Variants in GRID1 observed in about 807,000 individuals in gnomAD.
GRID1 encodes the protein glutamate ionotropic receptor delta type subunit 1.
GRID1 carries 28 observed loss-of-function variants against 98.0 expected under a neutral mutation model. The ratio of observed to expected loss-of-function variants is 0.29; its 90% CI spans 0.21 to 0.39. The LOEUF is 0.39. Ranked by LOEUF, GRID1 falls within the 10% of genes least tolerant of loss-of-function variation. The pLI is 1.00. For missense variants in GRID1, 1,111 were observed against 1,340.5 expected (o/e 0.83, Z 2.67); for synonymous variants, 553 against 538.5 (o/e 1.03, Z -0.37).
At chr10:86,126,090 C>A (rs1844748363) in intron 4 of GRID1, among the ~76,000 whole-genome samples, 1 of 151,876 alleles carries the variant, frequency 6.6e-6, no homozygotes, top group Non-Finnish European at 1.5e-5. Context: ...GCAGGTCACA[C>A]CCACCAACAA....
chr10:86,176,402 TGAAA>T (rs1257873506), intron 3 of GRID1, among the ~76,000 whole-genome samples: 1 of 151,900 alleles, frequency 6.6e-6, no homozygotes, highest in Non-Finnish European at 1.5e-5. Context: ...TGGCACGAGG[TGAAA>T]GAAAGGCATT....
At chr10:86,298,071 G>A (rs558979386) in intron 2 of GRID1, among the ~76,000 whole-genome samples, 213 of 152,250 alleles carry the variant, frequency 1.4e-3, no homozygotes, top group Non-Finnish European at 2.0e-3. Flanking sequence ...AAAATAATTC[G>A]TTAGAAAGAA....
intron 15 of GRID1, among the ~76,000 whole-genome samples, chr10:85,610,657 C>T (rs927301960): frequency 6.6e-6 from 1 of 152,216 alleles, no homozygotes; most frequent in Non-Finnish European, 1.5e-5. Context: ...TGCAGTACAG[C>T]CTGCTCAATG....
chr10:86,184,334 G>T lies in GRID1; in HGVS notation c.520+22030C>A, dbSNP rs555968557. Among the ~76,000 whole-genome samples, 118 of 152,132 alleles carry T rather than the reference G, an allele frequency of 7.8e-4. 1 individual carries two copies. The highest frequency in any genetic ancestry group is 6.8e-3 in the Middle Eastern group (2 of 294). ...CTAAGAAATCTTTGCCTAACCTAGG[G>T]TCACAATGATTTTCCACTGTGTTTT... is the stretch of plus-strand genomic sequence containing the variant. On this transcript the variant is annotated intron_variant, in intron 3 of 15. Transcript: ENST00000327946.
intron 4 of GRID1, among the ~76,000 whole-genome samples, chr10:85,927,373 T>C (rs902975652): frequency 1.3e-5 from 2 of 152,198 alleles, no homozygotes; most frequent in African/African-American, 4.8e-5. Flanking sequence ...GCATGAGTTA[T>C]TACCTGAAAC....
At chr10:86,264,501 C>T (rs1295079208) in intron 2 of GRID1, among the ~76,000 whole-genome samples, 4 of 152,212 alleles carry the variant, frequency 2.6e-5, no homozygotes, top group African/African-American at 9.6e-5. Context: ...CCAGCCTGAG[C>T]TCACCACACT....
At chr10:86,295,754 C>T (rs1847579922) in intron 2 of GRID1, among the ~76,000 whole-genome samples, 2 of 152,260 alleles carry the variant, frequency 1.3e-5, no homozygotes, top group East Asian at 1.9e-4. Context: ...CATCCATATC[C>T]CCAGCATCTA....
intron 4 of GRID1, among the ~76,000 whole-genome samples, chr10:86,050,643 A>C (rs528297161): frequency 2.0e-5 from 3 of 152,236 alleles, no homozygotes; most frequent in Non-Finnish European, 4.4e-5. Context: ...TTGACTGCAT[A>C]AATCTATATG....
At chr10:85,817,941 T>G (rs1191274066) in intron 8 of GRID1, among the ~76,000 whole-genome samples, 1 of 152,090 alleles carries the variant, frequency 6.6e-6, no homozygotes, top group Non-Finnish European at 1.5e-5. Context: ...ATAACCTCAC[T>G]GAAGGCAGTG....
chr10:85,980,185 G>A (rs976384543), intron 4 of GRID1, among the ~76,000 whole-genome samples: 1 of 152,310 alleles, frequency 6.6e-6, no homozygotes, highest in South Asian at 2.1e-4. Context: ...GACCCCAGCT[G>A]GATGGGCTTC....
chr10:86,066,418 A>C (rs1843721155), intron 4 of GRID1, among the ~76,000 whole-genome samples: 1 of 152,190 alleles, frequency 6.6e-6, no homozygotes, highest in Non-Finnish European at 1.5e-5. Flanking sequence ...CAGGGGTATT[A>C]CAATTTTTAG....
At chr10:85,845,596 C>G (rs572458681) in intron 8 of GRID1, among the ~76,000 whole-genome samples, 5 of 152,254 alleles carry the variant, frequency 3.3e-5, no homozygotes, top group Admixed American at 3.3e-4. Flanking sequence ...ATCACCAAGT[C>G]TGTCTTGAAA....
At chr10:85,662,939 TC>T (rs1840982369) in intron 12 of GRID1, among the ~76,000 whole-genome samples, 1 of 152,114 alleles carries the variant, frequency 6.6e-6, no homozygotes, top group Non-Finnish European at 1.5e-5. Flanking sequence ...TTATGTTCTG[TC>T]CTGTGCAAGA....
chr10:85,831,345 C>T (rs1032524869), intron 8 of GRID1, among the ~76,000 whole-genome samples: 1 of 152,022 alleles, frequency 6.6e-6, no homozygotes. Flanking sequence ...ATGCTAATTA[C>T]CTGGGTGATG....
Position 85,699,105 on chromosome 10 carries a change from T to C in GRID1, c.1997+23898A>G, listed in dbSNP as rs1314055099. Among the ~76,000 whole-genome samples the C allele has an allele frequency of 2.6e-5, 4 of 152,090 alleles. No homozygotes were observed. The South Asian group carries it at 8.3e-4, about 32-fold the overall frequency. On this transcript the variant is annotated intron_variant, in intron 12 of 15. Coordinates refer to ENST00000327946, the MANE Select transcript of GRID1 (RefSeq NM_017551.3). ...TCTCACTCTGTGGCCCAGGCTGGAGTGCAGTGCTGTGATCTCAGCTCACTG... is the reference window on the plus strand; with the variant it reads ...TCTCACTCTGTGGCCCAGGCTGGAGCGCAGTGCTGTGATCTCAGCTCACTG...
At chr10:85,883,698 G>C (rs926942943) in intron 5 of GRID1, among the ~76,000 whole-genome samples, 4 of 152,146 alleles carry the variant, frequency 2.6e-5, no homozygotes, top group African/African-American at 9.7e-5. Context: ...CTAACTAGGA[G>C]CACTAGTTAT....
chr10:86,213,839 C>T (rs745668274), intron 2 of GRID1, among the ~76,000 whole-genome samples: 14 of 152,054 alleles, frequency 9.2e-5, no homozygotes, highest in Non-Finnish European at 1.8e-4. Flanking sequence ...TGAGTCTGTT[C>T]TTCCCGGTCT....
intron 8 of GRID1, among the ~76,000 whole-genome samples, chr10:85,802,181 TA>T (rs1842582716): frequency 6.6e-6 from 1 of 152,102 alleles, no homozygotes; most frequent in Non-Finnish European, 1.5e-5. Flanking sequence ...AATTGTTCTA[TA>T]CAGCCAAAGA....
chr10:86,246,354 C>T (rs1846726250), intron 2 of GRID1, among the ~76,000 whole-genome samples: 2 of 152,216 alleles, frequency 1.3e-5, no homozygotes, highest in South Asian at 2.1e-4. Context: ...CTCGCTCTCC[C>T]GTGGCCTCTC....
Sources: allele counts gnomAD v4.1 joint callset (sites outside exome capture counted in the v4.1 genomes callset), GRCh38; gene constraint gnomAD v4.1.1; transcripts MANE v1.5; gene names NCBI Gene and HGNC (gene_info 2026-07-23, HGNC 2026-07-21).